TANC2: variants seen among roughly 807,000 people sequenced by gnomAD.
TANC2 encodes the protein tetratricopeptide repeat, ankyrin repeat and coiled-coil containing 2, also known as protein TANC2.
In TANC2, 26 loss-of-function variants were observed where a neutral mutation model predicts 210.5. The ratio of observed to expected loss-of-function variants is 0.12; its 90% CI spans 0.09 to 0.17. The LOEUF (loss-of-function observed/expected upper bound fraction) is 0.17, where lower values mean the gene tolerates loss of function less well. TANC2 is among the 10% of genes least tolerant of loss of function. The pLI, the probability that TANC2 is intolerant of heterozygous loss-of-function variation, is 1.00. For synonymous variants in TANC2, 931 were observed against 967.1 expected (o/e 0.96, Z 0.69); for missense variants, 2,129 against 2,608.9 (o/e 0.82, Z 4.01).
At chr17:63,180,147 A>C (rs942506018) in intron 5 of TANC2, among the ~76,000 whole-genome samples, 1 of 152,102 alleles carries the variant, frequency 6.6e-6, no homozygotes, top group Non-Finnish European at 1.5e-5. Flanking sequence ...AAAACAAAAA[A>C]CAAAAATAAT....
At chr17:63,409,002 C>T (rs151009142) in intron 21 of TANC2, among the ~76,000 whole-genome samples, 4 of 152,288 alleles carry the variant, frequency 2.6e-5, no homozygotes, top group South Asian at 2.1e-4. Flanking sequence ...TACAAAACAG[C>T]ATGTCAGGTA....
intron 5 of TANC2, chr17:63,151,972 C>A: frequency 6.6e-6 from 1 of 152,172 alleles, no homozygotes; most frequent in Non-Finnish European, 1.5e-5. Context: ...TCACTAAAAC[C>A]CTTCTTGTGT....
rs1377293496 is a variant in TANC2 at position 63,420,612 on chromosome 17, G to A, written c.4882G>A (p.Ala1628Thr). 1 of 1,613,828 alleles carries A rather than the reference G, an allele frequency of 6.2e-7. No homozygotes were observed. Among genetic ancestry groups the A allele is most frequent in the Non-Finnish European group, 8.5e-7 (1 of 1,179,818 alleles). ...TCTCCGGAGAGGCCCTCAGTATCGG[G>A]CCAGCCCTCCAGCTGAAAGTATGAG... is the stretch of plus-strand genomic sequence containing the variant. The change falls in exon 28 of 28, where the codon GCC becomes ACC. Residue 1628 changes from alanine (A) to threonine (T), a missense_variant. This residue lies in a region of TANC2 where 584 missense variants were observed against 627.3 expected (regional missense o/e 0.93). Coordinates refer to ENST00000689528, the Ensembl canonical transcript of TANC2. The surrounding 1 kb of genome is among the most constrained non-coding windows in gnomAD (Gnocchi z 4.2).
chr17:63,185,096 GC>G (rs1248845416), intron 5 of TANC2, among the ~76,000 whole-genome samples: 1 of 151,740 alleles, frequency 6.6e-6, no homozygotes, highest in Non-Finnish European at 1.5e-5. Context: ...CCAGGCTCAA[GC>G]CATCCTCTTA....
intron 7 of TANC2, among the ~76,000 whole-genome samples, chr17:63,223,101 C>T (rs1298236536): frequency 6.6e-6 from 1 of 152,104 alleles, no homozygotes; most frequent in Non-Finnish European, 1.5e-5. Flanking sequence ...AGACAAAATG[C>T]AGACTAGTGG....
At chr17:63,347,590 T>C (rs893659373) in intron 12 of TANC2, among the ~76,000 whole-genome samples, 2 of 152,256 alleles carry the variant, frequency 1.3e-5, no homozygotes, top group South Asian at 2.1e-4. Flanking sequence ...TTTCAAATTA[T>C]GTATTTTCTT....
intron 14 of TANC2, among the ~76,000 whole-genome samples, 176 bp from the exon 15 acceptor site, chr17:63,379,542 G>A (rs557719656): frequency 1.4e-4 from 21 of 152,210 alleles, no homozygotes; most frequent in South Asian, 8.3e-4. Context: ...GGTGGCAGGC[G>A]CCTGTAATCC....
chr17:63,167,884 C>CAAAAAA (rs760465295), intron 5 of TANC2, among the ~76,000 whole-genome samples: 194 of 63,640 alleles, frequency 3.0e-3, no homozygotes, highest in Middle Eastern at 0.016. Context: ...GACTCTGTCT[C>CAAAAAA]AAAAAAAAAA....
At chr17:63,188,437 C>CA (rs1440820319) in intron 5 of TANC2, among the ~76,000 whole-genome samples, 3 of 151,710 alleles carry the variant, frequency 2.0e-5, no homozygotes, top group East Asian at 1.9e-4. Context: ...ACTAAAAATA[C>CA]AAAAAATTAG....
chr17:63,349,072 A>G (rs529579516), intron 12 of TANC2, among the ~76,000 whole-genome samples: 132 of 152,202 alleles, frequency 8.7e-4, no homozygotes, highest in African/African-American at 3.1e-3. Context: ...TTTGATACCT[A>G]CATTAGTAGG....
intron 8 of TANC2, among the ~76,000 whole-genome samples, chr17:63,248,755 G>A (rs1518772): frequency 0.6 from 90,869 of 151,870 alleles, 29,681 homozygotes; most frequent in African/African-American, 0.86. Flanking sequence ...TATATATATT[G>A]TTCCATAATG....
At chr17:63,311,487 G>C (rs2045123165) in intron 9 of TANC2, among the ~76,000 whole-genome samples, 1 of 152,092 alleles carries the variant, frequency 6.6e-6, no homozygotes, top group Admixed American at 6.6e-5. Flanking sequence ...TGGAAACACA[G>C]TTACTATTTT....
At chr17:63,037,067 T>A (rs2035002846) in intron 2 of TANC2, among the ~76,000 whole-genome samples, 1 of 152,112 alleles carries the variant, frequency 6.6e-6, no homozygotes, top group African/African-American at 2.4e-5. Context: ...AATAGAACAA[T>A]TATTATAACA....
At chr17:63,009,557 A>G (rs768795881) in exon 2 of TANC2, 1 of 1,612,858 alleles carries the variant, frequency 6.2e-7, no homozygotes, top group Admixed American at 1.7e-5. Flanking sequence ...GAAGAGTATA[A>G]CCATGTTTCG....
At chr17:63,304,020 T>C (rs975055167) in intron 9 of TANC2, among the ~76,000 whole-genome samples, 1 of 152,018 alleles carries the variant, frequency 6.6e-6, no homozygotes, top group Non-Finnish European at 1.5e-5. Flanking sequence ...CTTCTTTGCA[T>C]TGGGTTAGAA....
At chr17:63,237,671 C>T (rs757060915) in intron 7 of TANC2, 143 bp from the exon 8 acceptor site, 29 of 748,186 alleles carry the variant, frequency 3.9e-5, no homozygotes, top group Non-Finnish European at 5.7e-5. Context: ...TTTCATTCCC[C>T]TGCATATGGC....
intron 14 of TANC2, among the ~76,000 whole-genome samples, chr17:63,358,188 A>T (rs973194797): frequency 6.6e-6 from 1 of 152,222 alleles, no homozygotes; most frequent in African/African-American, 2.4e-5. Context: ...GCCAGAGGTT[A>T]ATGCTACAGC....
At chr17:63,362,681 G>A (rs1042267629) in intron 14 of TANC2, among the ~76,000 whole-genome samples, 1 of 152,226 alleles carries the variant, frequency 6.6e-6, no homozygotes, top group Non-Finnish European at 1.5e-5. Context: ...ACACCTGGCC[G>A]GGTCACAACA....
rs188220147 is a variant in TANC2 at position 63,029,560 on chromosome 17, C to T, written c.67+19934C>T. Among the ~76,000 whole-genome samples the T allele has an allele frequency of 1.7e-3, 256 of 152,192 alleles. 1 individual carries two copies. The highest frequency in any genetic ancestry group is 6.0e-3 in the African/African-American group (249 of 41,526). ...TTTAGAACAGTGCTGTTCAGTACAA[C>T]TTTCTCTGATGATAGGTATATTTTA... On this transcript the variant is annotated intron_variant, in intron 2 of 27. Transcript: ENST00000689528.
Sources: gnomAD v4.1 joint callset for allele counts (sites outside exome capture counted in the v4.1 genomes callset) on GRCh38, gnomAD v4.1.1 for gene constraint, gnomAD v4.1.1 regional missense constraint, Gnocchi (gnomAD v3.1) non-coding constraint, MANE v1.5 for transcripts, NCBI Gene and HGNC (gene_info 2026-07-23, HGNC 2026-07-21) for gene names.